The following TAFA1 variants were observed in gnomAD, a reference collection of about 807,000 sequenced individuals.
TAFA1 encodes chemokine-like protein TAFA-1.
A neutral mutation model predicts 18.5 loss-of-function variants in TAFA1; 4 were observed. The observed-to-expected ratio is 0.22, with a 90% CI of 0.11 to 0.49. TAFA1 has a LOEUF of 0.49. Ranked by LOEUF, TAFA1 falls within the 20% of genes least tolerant of loss-of-function variation. The probability of loss-of-function intolerance (pLI) is 0.98; values close to 1 mark genes in which losing one functional copy is unlikely to be tolerated. For synonymous variants in TAFA1, 56 were observed against 55.2 expected, an observed-to-expected ratio of 1.01 and a Z score of -0.06; for missense variants, 147 against 169.0, an observed-to-expected ratio of 0.87 and a Z score of 0.72.
upstream of TAFA1, among the ~76,000 whole-genome samples, chr3:68,002,634 C>G (rs1278980829): frequency 6.6e-6 from 1 of 152,144 alleles, no homozygotes; most frequent in Admixed American, 6.5e-5. Flanking sequence ...TTGAGACTAT[C>G]TTAATGTTAA....
chr3:68,223,029 A>AT (rs993724435), intron 2 of TAFA1, among the ~76,000 whole-genome samples: 26 of 151,666 alleles, frequency 1.7e-4, no homozygotes, highest in Admixed American at 1.3e-3. Flanking sequence ...TCATTATGGC[A>AT]TTTTTTTCCC....
At chr3:68,398,895 A>C (rs902511621) in intron 2 of TAFA1, among the ~76,000 whole-genome samples, 1 of 152,180 alleles carries the variant, frequency 6.6e-6, no homozygotes, top group African/African-American at 2.4e-5. Flanking sequence ...TAAAGGAATA[A>C]GTTTATATTC....
intron 2 of TAFA1, among the ~76,000 whole-genome samples, chr3:68,242,050 G>T (rs977788995): frequency 6.6e-6 from 1 of 152,102 alleles, no homozygotes; most frequent in Admixed American, 6.6e-5. Flanking sequence ...ACCTTGCCCT[G>T]CCTAAGTCTG....
At chr3:67,997,671 C>T in the TAFA1 span, among the ~76,000 whole-genome samples, 5 of 151,960 alleles carry the variant, frequency 3.3e-5, no homozygotes, top group Non-Finnish European at 5.9e-5. Context: ...AGATATAAAC[C>T]TAGGAAGTCC....
chr3:68,453,464 G>C (rs2071601324), intron 3 of TAFA1, among the ~76,000 whole-genome samples: 1 of 152,192 alleles, frequency 6.6e-6, no homozygotes, highest in Admixed American at 6.5e-5. Flanking sequence ...CAAATGAGGA[G>C]GATGGCATAT....
chr3:68,379,623 T>G (rs1467354068), intron 2 of TAFA1, among the ~76,000 whole-genome samples: 1 of 152,074 alleles, frequency 6.6e-6, no homozygotes, highest in African/African-American at 2.4e-5. Flanking sequence ...TTTTAGAGGT[T>G]TGGGTTTTAC....
Position 68,203,550 on chromosome 3 carries a change from A to G in TAFA1, c.118+196806A>G, listed in dbSNP as rs1238842300. Among the ~76,000 whole-genome samples, 5 of 151,842 alleles carry G rather than the reference A, an allele frequency of 3.3e-5. No individual in the cohort carries two copies. In the South Asian group the frequency reaches 8.3e-4, roughly 25 times the overall value. On this transcript the variant is annotated intron_variant, in intron 2 of 4. Coordinates refer to ENST00000478136, the MANE Select transcript of TAFA1 (RefSeq NM_213609.4). ...CTTAATAAGGTGGTGGCAGAGTGTGAGAAGAGGGGAAGTGTCCTATGATTG... is the reference window on the plus strand; with the variant it reads ...CTTAATAAGGTGGTGGCAGAGTGTGGGAAGAGGGGAAGTGTCCTATGATTG...
chr3:68,363,596 T>C (rs1193958727), intron 2 of TAFA1, among the ~76,000 whole-genome samples: 1 of 152,160 alleles, frequency 6.6e-6, no homozygotes, highest in African/African-American at 2.4e-5. Context: ...CATTTTTTAA[T>C]TCTTCTAACC....
intron 2 of TAFA1, among the ~76,000 whole-genome samples, chr3:68,042,579 G>A (rs1333737236): frequency 2.0e-5 from 3 of 152,190 alleles, no homozygotes; most frequent in African/African-American, 7.2e-5. Context: ...AACCTGGGAG[G>A]TGGAGGTTGC....
chr3:68,255,203 T>C (rs989581748), intron 2 of TAFA1, among the ~76,000 whole-genome samples: 8 of 152,176 alleles, frequency 5.3e-5, no homozygotes, highest in Admixed American at 2.0e-4. Context: ...GAAATGTGAA[T>C]GGATAGAGAA....
At chr3:68,445,963 A>T (rs1294412863) in intron 3 of TAFA1, among the ~76,000 whole-genome samples, 1 of 152,084 alleles carries the variant, frequency 6.6e-6, no homozygotes, top group African/African-American at 2.4e-5. Flanking sequence ...ATGCAGTGGT[A>T]CAATCACAGC....
At chr3:68,012,096 A>T (rs138543232) in intron 2 of TAFA1, among the ~76,000 whole-genome samples, 1 of 152,296 alleles carries the variant, frequency 6.6e-6, no homozygotes, top group East Asian at 1.9e-4. Context: ...GACAATTTGA[A>T]CTCTTTTAAA....
chr3:68,067,683 C>A (rs559182475), intron 2 of TAFA1, among the ~76,000 whole-genome samples: 1 of 152,118 alleles, frequency 6.6e-6, no homozygotes, highest in Admixed American at 6.5e-5. Flanking sequence ...TATGACCATC[C>A]GGTAGCCAAC....
At chr3:68,183,333 A>T (rs966796425) in intron 2 of TAFA1, among the ~76,000 whole-genome samples, 2 of 152,174 alleles carry the variant, frequency 1.3e-5, no homozygotes, top group Non-Finnish European at 2.9e-5. Context: ...TTGGACAGCA[A>T]TGTCATAACA....
chr3:68,462,853 A>T (rs1510348), intron 3 of TAFA1, among the ~76,000 whole-genome samples: 1 of 151,964 alleles, frequency 6.6e-6, no homozygotes, highest in African/African-American at 2.4e-5. Flanking sequence ...TCCATGGAAT[A>T]TACATATTTT....
chr3:68,218,103 A>G (rs1309788150), intron 2 of TAFA1, among the ~76,000 whole-genome samples: 1 of 152,080 alleles, frequency 6.6e-6, no homozygotes, highest in African/African-American at 2.4e-5. Context: ...GGCATCCCAC[A>G]TGATTTGATG....
chr3:68,322,968 T>G (rs1404033485), intron 2 of TAFA1, among the ~76,000 whole-genome samples: 1 of 151,964 alleles, frequency 6.6e-6, no homozygotes, highest in Non-Finnish European at 1.5e-5. Flanking sequence ...TTTCTCTGAG[T>G]ACCAGGACAC....
At chr3:68,024,814 C>CACACACAA (rs2106805235) in intron 2 of TAFA1, among the ~76,000 whole-genome samples, 1 of 151,882 alleles carries the variant, frequency 6.6e-6, no homozygotes, top group East Asian at 1.9e-4. Flanking sequence ...TGCACACACA[C>CACACACAA]ACACACACAC....
At chr3:68,163,268 A>G (rs2065946576) in intron 2 of TAFA1, among the ~76,000 whole-genome samples, 2 of 152,208 alleles carry the variant, frequency 1.3e-5, no homozygotes, top group Admixed American at 6.5e-5. Flanking sequence ...AGCTTAGTAC[A>G]CTGGGTTAAG....
Sources: gnomAD v4.1 joint callset for allele counts (sites outside exome capture counted in the v4.1 genomes callset) on GRCh38, gnomAD v4.1.1 for gene constraint, MANE v1.5 for transcripts, NCBI Gene and HGNC (gene_info 2026-07-23, HGNC 2026-07-21) for gene names.